The following GLDC variants were observed in gnomAD, a reference collection of about 807,000 sequenced individuals.
GLDC encodes the protein glycine decarboxylase.
A neutral mutation model predicts 121.3 loss-of-function variants in GLDC; 104 were observed. The observed-to-expected ratio is 0.86, with a 90% CI of 0.73 to 1.01. The LOEUF is 1.01. GLDC is among the 50% of genes least tolerant of loss of function. The probability of loss-of-function intolerance (pLI) is 0.00; values close to 1 mark genes in which losing one functional copy is unlikely to be tolerated. For missense variants in GLDC, 1,429 were observed against 1,306.6 expected (o/e 1.09, Z -1.44); for synonymous variants, 546 against 480.6 (o/e 1.14, Z -1.78).
Position 6,580,791 on chromosome 9 carries a change from A to T in GLDC, c.1850+6350T>A, listed in dbSNP as rs149892818. 2.1e-3 allele frequency among the ~76,000 whole-genome samples: 322 copies of T among 152,180 alleles called. 1 individual carries two copies. The highest frequency in any genetic ancestry group is 7.5e-3 in the African/African-American group (310 of 41,522). On this transcript the variant is annotated intron_variant, in intron 15 of 24. Coordinates refer to ENST00000321612, the MANE Select transcript of GLDC (RefSeq NM_000170.3). ...TACCTGCCTATCAGTCCCCTTCTCC[A>T]TTCAGGACCCACTCAGGCTGCCATC...
At chr9:6,614,104 GC>G (rs1489450618) in intron 3 of GLDC, among the ~76,000 whole-genome samples, 1 of 151,964 alleles carries the variant, frequency 6.6e-6, no homozygotes, top group Non-Finnish European at 1.5e-5. Context: ...TAGTTCTAAG[GC>G]TCCCAGAGCA....
intron 8 of GLDC, among the ~76,000 whole-genome samples, chr9:6,595,513 G>T (rs766605795): frequency 6.6e-6 from 1 of 152,202 alleles, no homozygotes; most frequent in South Asian, 2.1e-4. Flanking sequence ...CACTCAACCA[G>T]GCAATTCTTC....
At chr9:6,541,874 C>G (rs1817271419) in intron 21 of GLDC, 1 of 125,610 alleles carries the variant, frequency 8.0e-6, no homozygotes, top group Non-Finnish European at 1.7e-5. Flanking sequence ...CTATAAAGAG[C>G]GTAAGACTCT....
intron 13 of GLDC, 73 bp downstream of exon 13, chr9:6,588,545 G>C (rs1384025017): frequency 6.9e-7 from 1 of 1,438,998 alleles, no homozygotes; most frequent in South Asian, 1.1e-5. Context: ...TGCTCTTGGA[G>C]CATATTAGGT....
chr9:6,610,698 CAA>C (rs557219590), intron 3 of GLDC, among the ~76,000 whole-genome samples: 208 of 152,264 alleles, frequency 1.4e-3, no homozygotes, highest in African/African-American at 4.6e-3. Flanking sequence ...GTACAAGGCT[CAA>C]GAGATCCTCT....
intron 2 of GLDC, among the ~76,000 whole-genome samples, chr9:6,631,437 G>C (rs1001977859): frequency 6.6e-6 from 1 of 152,202 alleles, no homozygotes; most frequent in South Asian, 2.1e-4. Flanking sequence ...TGGGACAAGG[G>C]ATGATATGTC....
intron 1 of GLDC, 21 bp downstream of exon 1, chr9:6,645,224 G>C (rs751870143): frequency 6.4e-7 from 1 of 1,571,072 alleles, no homozygotes; most frequent in Non-Finnish European, 8.6e-7. Flanking sequence ...AGGCCGCGGA[G>C]GGCCGGGTGG....
At chr9:6,636,893 G>A (rs1453319788) in intron 2 of GLDC, among the ~76,000 whole-genome samples, 2 of 152,172 alleles carry the variant, frequency 1.3e-5, no homozygotes, top group East Asian at 3.9e-4. Context: ...AGACCAGCCT[G>A]ACCAATACGG....
At chr9:6,586,738 C>A (rs1818279409) in intron 15 of GLDC, among the ~76,000 whole-genome samples, 1 of 152,180 alleles carries the variant, frequency 6.6e-6, no homozygotes. Context: ...TCGTGACTTG[C>A]TTTAATAGAT....
chr9:6,538,593 A>G lies in GLDC; in HGVS notation c.2665+1458T>C, dbSNP rs926374791. 2.6e-5 allele frequency among the ~76,000 whole-genome samples: 4 copies of G among 152,300 alleles called. No homozygotes were observed. The South Asian group carries it at 8.3e-4, about 32-fold the overall frequency. On this transcript the variant is annotated intron_variant, in intron 22 of 24. Coordinates refer to ENST00000321612, the MANE Select transcript of GLDC (RefSeq NM_000170.3). Reference sequence around the variant, plus strand: ...CTACTATGTGCCAGGCACCTGGACAATTCTGGGCTTTTGGACAAGTGTGGA... The same window carrying G: ...CTACTATGTGCCAGGCACCTGGACAGTTCTGGGCTTTTGGACAAGTGTGGA...
At chr9:6,555,097 TA>T (rs1449289705) in intron 18 of GLDC, among the ~76,000 whole-genome samples, 1 of 152,262 alleles carries the variant, frequency 6.6e-6, no homozygotes, top group East Asian at 1.9e-4. Context: ...GAAGTGTCTC[TA>T]ACACAAGAAA....
chr9:6,637,488 C>T (rs538936385), intron 2 of GLDC, among the ~76,000 whole-genome samples: 80 of 152,030 alleles, frequency 5.3e-4, no homozygotes, highest in African/African-American at 1.8e-3. Context: ...GTCATTCTGT[C>T]GCCCAGGCTG....
intron 8 of GLDC, among the ~76,000 whole-genome samples, chr9:6,601,086 T>C (rs1818600660): frequency 6.6e-6 from 1 of 152,104 alleles, no homozygotes; most frequent in African/African-American, 2.4e-5. Flanking sequence ...GGCAGGAGAA[T>C]TGCTTGAAAC....
At chr9:6,622,241 C>T (rs1417615948) in intron 2 of GLDC, among the ~76,000 whole-genome samples, 3 of 151,518 alleles carry the variant, frequency 2.0e-5, no homozygotes, top group Admixed American at 6.6e-5. Context: ...GAGATATGGT[C>T]CCCCTCCCCC....
intron 16 of GLDC, among the ~76,000 whole-genome samples, chr9:6,560,913 C>T (rs1276858590): frequency 1.3e-5 from 2 of 152,144 alleles, no homozygotes; most frequent in Admixed American, 6.5e-5. Context: ...TAAGTGTCCT[C>T]ATCAGAGGGA....
chr9:6,629,359 C>T lies in GLDC; in HGVS notation c.335-9040G>A, dbSNP rs544951841. Among the ~76,000 whole-genome samples the T allele has an allele frequency of 2.6e-5, 4 of 151,940 alleles. No homozygotes were observed. In the East Asian group the frequency reaches 7.7e-4, roughly 29 times the overall value. ...CCTCCCGAGTAGCTGGGATTAGAGG[C>T]ACCTGCCACCATGCCCGGCTAATTT... On this transcript the variant is annotated intron_variant, in intron 2 of 24. Transcript: ENST00000321612.
At chr9:6,586,668 G>A (rs1318337757) in intron 15 of GLDC, among the ~76,000 whole-genome samples, 2 of 152,150 alleles carry the variant, frequency 1.3e-5, no homozygotes, top group African/African-American at 2.4e-5. Context: ...CGCAATGAAC[G>A]ACATCTACCA....
chr9:6,583,149 A>G (rs1438905132), intron 15 of GLDC, among the ~76,000 whole-genome samples: 2 of 152,312 alleles, frequency 1.3e-5, no homozygotes, highest in African/African-American at 2.4e-5. Flanking sequence ...TGCAGAAGAC[A>G]GTACGGCGAT....
chr9:6,639,088 C>T (rs529701188), intron 2 of GLDC: 78 of 687,154 alleles, frequency 1.1e-4, no homozygotes, highest in Non-Finnish European at 2.0e-4. Flanking sequence ...AACAAGGTGA[C>T]AGTCCAATCT....
Sources: allele counts gnomAD v4.1 joint callset (sites outside exome capture counted in the v4.1 genomes callset), GRCh38; gene constraint gnomAD v4.1.1; transcripts MANE v1.5; gene names NCBI Gene and HGNC (gene_info 2026-07-23, HGNC 2026-07-21).